The following NUTM1 variants were observed in gnomAD, a reference collection of about 807,000 sequenced individuals.
NUTM1 encodes NUT midline carcinoma family member 1.
Under a neutral mutation model 88.7 loss-of-function variants are expected in NUTM1, and 39 were observed. That is an observed-to-expected ratio of 0.44 (90% CI 0.34 to 0.57). The LOEUF (loss-of-function observed/expected upper bound fraction) is 0.57. Ranked by LOEUF, NUTM1 falls within the 20% of genes least tolerant of loss-of-function variation. NUTM1 has a pLI of 0.01. For missense variants in NUTM1, 1,350 were observed against 1,414.5 expected, an observed-to-expected ratio of 0.95 and a Z score of 0.73; for synonymous variants, 494 against 538.0, an observed-to-expected ratio of 0.92 and a Z score of 1.13.
intron 2 of NUTM1, among the ~76,000 whole-genome samples, chr15:34,346,371 AG>A (rs1890586114): frequency 6.6e-6 from 1 of 151,518 alleles, no homozygotes; most frequent in South Asian, 2.1e-4. Context: ...TGGCACAGAG[AG>A]GTTTCAAGGG....
chr15:34,353,922 A>T lies in NUTM1; in HGVS notation c.1075+50A>T, dbSNP rs754340215. 6.3e-6 allele frequency: 10 copies of T among 1,599,122 alleles called. No individual in the cohort carries two copies. The South Asian group carries it at 1.1e-4, about 18-fold the overall frequency. On this transcript the variant is annotated intron_variant, in intron 5 of 7. Transcript: ENST00000537011. ...AGCCGTGGGCCAAAGGCTCAAAGGGATGCATACAGAAGCCAGTCACAGATT... is the reference window on the plus strand; with the variant it reads ...AGCCGTGGGCCAAAGGCTCAAAGGGTTGCATACAGAAGCCAGTCACAGATT...
intron 1 of NUTM1, 61 bp downstream of exon 1, chr15:34,343,763 A>G: frequency 7.0e-7 from 1 of 1,428,068 alleles, no homozygotes; most frequent in South Asian, 1.3e-5. Flanking sequence ...AATTTTTAAA[A>G]GAATATAGAA....
chr15:34,347,091 G>T (rs1210396802), intron 2 of NUTM1, among the ~76,000 whole-genome samples: 1 of 151,898 alleles, frequency 6.6e-6, no homozygotes, highest in African/African-American at 2.4e-5. Context: ...TCTTTCACCT[G>T]TTGAGAATCA....
At position 34,343,385 on chromosome 15, in the gene NUTM1, A is replaced by T; in HGVS notation, c.-312A>T. The T allele has an allele frequency of 1.6e-6, 1 of 608,040 alleles. No individual in the cohort carries two copies. The highest frequency in any genetic ancestry group is 2.9e-6 in the Non-Finnish European group (1 of 345,614). 37.7% of individuals were successfully genotyped at this position (608,040 alleles called of 1,614,324 possible). A position where few individuals can be genotyped will look rare whatever the true frequency, so the allele number is the denominator to read the frequency against. On this transcript the variant is annotated 5_prime_UTR_variant, in exon 1 of 8. It adds an upstream start codon to the 5' untranslated region. Coordinates refer to ENST00000537011, the MANE Select transcript of NUTM1 (RefSeq NM_001284292.2). ...TGTGGATAGAATATTGACGTATAGA[A>T]GCCTGTCTTTGTCTCAAGATACACA...
chr15:34,350,463 GAGA>G (rs1450345592), intron 3 of NUTM1, among the ~76,000 whole-genome samples: 2 of 152,218 alleles, frequency 1.3e-5, no homozygotes, highest in South Asian at 2.1e-4. Context: ...AAAAGGTGGG[GAGA>G]AGAATTGTCT....
rs1289606604 is a variant in NUTM1 at position 34,355,262 on chromosome 15, G to A, written c.1479+125G>A. The A allele has an allele frequency of 2.6e-6, 2 of 765,778 alleles. No individual in the cohort carries two copies. The highest frequency in any genetic ancestry group is 2.5e-5 in the East Asian group (1 of 40,614). 47.4% of individuals were successfully genotyped at this position (765,778 alleles called of 1,614,324 possible). Reference sequence around the variant, plus strand: ...CAGGATTGGGCTTCAGGTGCAGAACGAGTAGGTAGAGGGCTATGGAAACAC... The same window carrying A: ...CAGGATTGGGCTTCAGGTGCAGAACAAGTAGGTAGAGGGCTATGGAAACAC... On this transcript the variant is annotated intron_variant, in intron 7 of 7. Coordinates refer to ENST00000537011, the MANE Select transcript of NUTM1 (RefSeq NM_001284292.2). The surrounding 1 kb of genome is among the most constrained non-coding windows in gnomAD (Gnocchi z 4.3).
intron 2 of NUTM1, 53 bp downstream of exon 2, chr15:34,346,088 G>C: frequency 6.4e-7 from 1 of 1,574,126 alleles, no homozygotes; most frequent in Non-Finnish European, 8.7e-7. Context: ...TATCCTTTGA[G>C]ACAAGCTCTC....
chr15:34,345,815 C>A, intron 1 of NUTM1, 127 bp from the exon 2 acceptor site: 1 of 1,335,994 alleles, frequency 7.5e-7, no homozygotes, highest in Non-Finnish European at 1.0e-6. Context: ...ATATCTGTCC[C>A]CACCCTCACC....
chr15:34,356,420 A>T lies in NUTM1; in HGVS notation c.2412A>T (p.Leu804=), dbSNP rs1404134393. ...TTTCCCTGGGTCCTGGAGAAACCCT[A>T]GTACCTGGGGATACGGAGAGCAGTG... ...GNISLGPGET[L]VPGDTESSVI... The change falls in exon 8 of 8, where the codon CTA becomes CTT. Residue 804 remains leucine, a synonymous_variant. Transcript: ENST00000537011. 2 of 1,611,076 alleles carry T rather than the reference A, an allele frequency of 1.2e-6. No individual in the cohort carries two copies. The highest frequency in any genetic ancestry group is 3.3e-5 in the Admixed American group (2 of 59,726).
Position 34,357,128 on chromosome 15 carries a change from AGAG to A in NUTM1, c.3123_3125del (p.Glu1041del), listed in dbSNP as rs775874611. ...AGAAAAAGAAAAAGGAAGCAGAGGA[AGAG>A]GATGAGGAACTCTCCAACTTTGCTT... On this transcript the variant is annotated inframe_deletion, in exon 8 of 8. Transcript: ENST00000537011. The A allele has an allele frequency of 1.2e-6, 2 of 1,614,182 alleles. No individual in the cohort carries two copies. Among genetic ancestry groups the A allele is most frequent in the South Asian group, 2.2e-5 (2 of 91,080 alleles).
At position 34,356,514 on chromosome 15, in the gene NUTM1, C is replaced by A; in HGVS notation, c.2506C>A (p.Pro836Thr). 1.2e-6 allele frequency: 2 copies of A among 1,613,938 alleles called. No homozygotes were observed. The highest frequency in any genetic ancestry group is 8.5e-7 in the Non-Finnish European group (1 of 1,179,964). ...EKRNYCSLPG[P>T]LRANSPPLRS... is the part of the protein sequence containing the mutation. ...GAGAAACTATTGCAGCTTGCCAGGACCTTTGAGGGCCAACAGCCCACCCTT... is the reference window on the plus strand; with the variant it reads ...GAGAAACTATTGCAGCTTGCCAGGAACTTTGAGGGCCAACAGCCCACCCTT... The change falls in exon 8 of 8, where the codon CCT (proline) becomes ACT (threonine). Residue 836 changes from proline to threonine, a missense_variant. Pro to Thr is a conservative substitution (Grantham distance 38). Coordinates refer to ENST00000537011, the MANE Select transcript of NUTM1 (RefSeq NM_001284292.2).
Position 34,355,607 on chromosome 15 carries a change from T to C in NUTM1, c.1599T>C (p.Asp533=), listed in dbSNP as rs1257446713. 6.2e-7 allele frequency: 1 copy of C among 1,613,902 alleles called. No homozygotes were observed. The highest frequency in any genetic ancestry group is 1.1e-5 in the South Asian group (1 of 91,062). ...PSGSVEDEDG[D]GRLRPSPGLQ... is the part of the protein sequence containing the mutation. ...GTTCTGTTGAGGATGAAGATGGGGA[T>C]GGGCGGCTTCGGCCCTCACCTGGGC... is the stretch of plus-strand genomic sequence containing the variant. The change falls in exon 8 of 8, where the codon GAT becomes GAC. Residue 533 remains aspartate (D), a synonymous_variant. Coordinates refer to ENST00000537011, the MANE Select transcript of NUTM1 (RefSeq NM_001284292.2). The surrounding 1 kb of genome is among the most constrained non-coding windows in gnomAD (Gnocchi z 4.3).
At chr15:34,352,974 C>T (rs1207807256) in intron 4 of NUTM1, among the ~76,000 whole-genome samples, 1 of 142,870 alleles carries the variant, frequency 7.0e-6, no homozygotes, top group Non-Finnish European at 1.5e-5. Context: ...CAACCTCTGC[C>T]TCCTGGGTTC....
intron 1 of NUTM1, among the ~76,000 whole-genome samples, chr15:34,344,243 T>C (rs997508150): frequency 6.7e-6 from 1 of 148,984 alleles, no homozygotes; most frequent in Non-Finnish European, 1.5e-5. Context: ...CTGGGCGCGG[T>C]GGCTCACGCC....
Position 34,346,043 on chromosome 15 carries a change from T to A in NUTM1, c.100+8T>A. 1 of 1,614,042 alleles carries A rather than the reference T, an allele frequency of 6.2e-7. No homozygotes were observed. The highest frequency in any genetic ancestry group is 8.5e-7 in the Non-Finnish European group (1 of 1,179,888). On this transcript the variant is annotated splice_region_variant and intron_variant, in intron 2 of 7. Coordinates refer to ENST00000537011, the MANE Select transcript of NUTM1 (RefSeq NM_001284292.2). ...GGATGGCTTCAGATGGAGGTAAGTC[T>A]GCAGGTGGTGAGGAGGATTTCTGGT...
intron 4 of NUTM1, among the ~76,000 whole-genome samples, chr15:34,351,472 C>T (rs1890708948): frequency 6.6e-6 from 1 of 151,796 alleles, no homozygotes; most frequent in Non-Finnish European, 1.5e-5. Flanking sequence ...GCTTCTTCTT[C>T]CACCACCTTG....
intron 4 of NUTM1, among the ~76,000 whole-genome samples, chr15:34,353,177 G>T (rs941373532): frequency 6.7e-6 from 1 of 148,884 alleles, no homozygotes; most frequent in Non-Finnish European, 1.5e-5. Flanking sequence ...GAGCCACTGC[G>T]CCTGGCCTCA....
At chr15:34,347,629 G>A (rs979861978) in intron 2 of NUTM1, among the ~76,000 whole-genome samples, 12 of 152,034 alleles carry the variant, frequency 7.9e-5, no homozygotes, top group East Asian at 3.9e-4. Flanking sequence ...CGAAGCAGGC[G>A]GATCACAAGG....
chr15:34,350,938 A>G (rs1021574259), intron 4 of NUTM1, 106 bp downstream of exon 4: 1 of 1,441,698 alleles, frequency 6.9e-7, no homozygotes. Context: ...CCATGTTAGG[A>G]TGGGGCGCAG....
Sources: gnomAD v4.1 joint callset for allele counts (sites outside exome capture counted in the v4.1 genomes callset) on GRCh38, gnomAD v4.1.1 for gene constraint, Gnocchi (gnomAD v3.1) non-coding constraint, MANE v1.5 for transcripts, NCBI Gene and HGNC (gene_info 2026-07-23, HGNC 2026-07-21) for gene names.